Variants in PANX3 observed in about 807,000 individuals in gnomAD.
PANX3 encodes pannexin-3.
A neutral mutation model predicts 31.5 loss-of-function variants in PANX3; 18 were observed. That is an observed-to-expected ratio of 0.57 (90% CI 0.39 to 0.85). PANX3 has a LOEUF of 0.85. PANX3 is among the 40% of genes least tolerant of loss of function. The pLI is 0.00. For synonymous variants in PANX3, 194 were observed against 201.6 expected (o/e 0.96, Z 0.32); for missense variants, 426 against 485.4 (o/e 0.88, Z 1.15).
intron 2 of PANX3, among the ~76,000 whole-genome samples, chr11:124,615,244 A>T (rs1469919282): frequency 9.2e-5 from 14 of 151,866 alleles, no homozygotes; most frequent in Admixed American, 9.2e-4. Flanking sequence ...CACCAAGCCC[A>T]GCTAATTTTT....
chr11:124,619,225 T>G, intron 3 of PANX3, 71 bp from the exon 4 acceptor site: 1 of 1,451,670 alleles, frequency 6.9e-7, no homozygotes, highest in South Asian at 1.3e-5. Flanking sequence ...TGTTACTTTG[T>G]CACATGCCTC....
chr11:124,611,915 A>G (rs1863097099), intron 1 of PANX3, among the ~76,000 whole-genome samples, 178 bp downstream of exon 1: 1 of 151,556 alleles, frequency 6.6e-6, no homozygotes, highest in Non-Finnish European at 1.5e-5. Context: ...AGAGGCACCA[A>G]AAAATTTTGA....
chr11:124,618,100 G>A (rs780179266), intron 3 of PANX3, among the ~76,000 whole-genome samples: 7 of 152,174 alleles, frequency 4.6e-5, no homozygotes, highest in South Asian at 2.1e-4. Flanking sequence ...TGAAATCTAC[G>A]TTCTGAGATA....
Position 124,616,103 on chromosome 11 carries a change from A to G in PANX3, c.325-1171A>G, listed in dbSNP as rs1565394883. ...TTGGCCCAACCCTGCTAGGTGTGGTAAGTATGATGAGGAAACCTGAAGAAA... is the reference window on the plus strand; with the variant it reads ...TTGGCCCAACCCTGCTAGGTGTGGTGAGTATGATGAGGAAACCTGAAGAAA... On this transcript the variant is annotated intron_variant, in intron 2 of 3. Transcript: ENST00000284288. The surrounding 1 kb of genome is among the most constrained non-coding windows in gnomAD (Gnocchi z 4.8). Among the ~76,000 whole-genome samples the G allele has an allele frequency of 6.6e-6, 1 of 152,178 alleles. No homozygotes were observed. Among genetic ancestry groups the G allele is most frequent in the Non-Finnish European group, 1.5e-5 (1 of 68,032 alleles).
At chr11:124,614,371 G>A (rs1305789658) in intron 2 of PANX3, among the ~76,000 whole-genome samples, 3 of 151,994 alleles carry the variant, frequency 2.0e-5, no homozygotes, top group Non-Finnish European at 4.4e-5. Context: ...GGGTTCAAGC[G>A]ATTCTCCTGT....
rs1220756040 is a variant in PANX3 at position 124,617,364 on chromosome 11, G to A, written c.415G>A (p.Asp139Asn). Residue 139 changes from aspartate to asparagine, a missense_variant, in exon 3 of 4, where the codon GAT becomes AAT. By Grantham distance (23) the Asp-to-Asn change is conservative (BLOSUM62 1). Transcript: ENST00000284288. ...QYAAVPALSS[D>N]LLFIISELDK... The stretch of plus-strand genomic sequence containing the variant: ...TGCAGCTGTGCCAGCCCTCAGCTCC[G>A]ATCTGCTGTTCATCATCAGCGAACT... 6 of 1,613,588 alleles carry A rather than the reference G, an allele frequency of 3.7e-6. No homozygotes were observed. Among genetic ancestry groups the A allele is most frequent in the East Asian group, 2.2e-5 (1 of 44,874 alleles).
rs773021933 is a variant in PANX3 at position 124,619,839 on chromosome 11, T to C, written c.1083T>C (p.Asn361=). The C allele has an allele frequency of 5.0e-6, 8 of 1,614,124 alleles. No homozygotes were observed. The highest frequency in any genetic ancestry group is 2.7e-5 in the African/African-American group (2 of 74,998). Residue 361 remains asparagine (N), a synonymous_variant, in exon 4 of 4, where the codon AAT becomes AAC. Coordinates refer to ENST00000284288, the MANE Select transcript of PANX3 (RefSeq NM_052959.3). ...VLKDTTTQKH[N]IDTVVDFMTL... ...AGGATACAACCACCCAGAAGCACAA[T>C]ATTGACACAGTAGTTGATTTTATGA...
chr11:124,617,948 C>T (rs1002100883), intron 3 of PANX3, among the ~76,000 whole-genome samples: 4 of 152,224 alleles, frequency 2.6e-5, no homozygotes, highest in African/African-American at 4.8e-5. Context: ...CCTCCACCTG[C>T]ATACAGGCAT....
At chr11:124,613,218 C>T (rs1863115861) in intron 2 of PANX3, 96 bp downstream of exon 2, 1 of 1,397,138 alleles carries the variant, frequency 7.2e-7, no homozygotes, top group South Asian at 1.5e-5. Context: ...CCCACCACCC[C>T]TAACCCATTT....
rs1221593314 is a variant in PANX3 at position 124,611,679 on chromosome 11, A to G, written c.123A>G (p.Val41=). 1 of 1,614,140 alleles carries G rather than the reference A, an allele frequency of 6.2e-7. No individual in the cohort carries two copies. The highest frequency in any genetic ancestry group is 8.5e-7 in the Non-Finnish European group (1 of 1,180,010). The part of the protein sequence containing the change: ...ELPLDRIVKF[V]AVGSPLLLMS... Reference sequence around the variant, plus strand: ...CCCTGGACCGGATAGTCAAGTTCGTAGCTGTGGGCTCCCCCTTGTTGCTGA... The same window carrying G: ...CCCTGGACCGGATAGTCAAGTTCGTGGCTGTGGGCTCCCCCTTGTTGCTGA... Residue 41 remains valine (V), a synonymous_variant, in exon 1 of 4, where the codon GTA becomes GTG. Transcript: ENST00000284288.
chr11:124,617,402 T>C lies in PANX3; in HGVS notation c.453T>C (p.Tyr151=). 6.2e-7 allele frequency: 1 copy of C among 1,614,158 alleles called. No homozygotes were observed. The change falls in exon 3 of 4, where the codon TAT becomes TAC. Residue 151 remains tyrosine, a synonymous_variant. Transcript: ENST00000284288. ...TCATCAGCGAACTGGACAAATCTTA[T>C]AATCGCTCCATCCGCCTCGTGCAGC... ...LFIISELDKS[Y]NRSIRLVQHM... is the part of the protein sequence containing the mutation.
Position 124,619,300 on chromosome 11 carries a change from C to T in PANX3, c.544C>T (p.Arg182Trp), listed in dbSNP as rs772357846. 11 of 1,610,390 alleles carry T rather than the reference C, an allele frequency of 6.8e-6. No individual in the cohort carries two copies. The highest frequency in any genetic ancestry group is 6.7e-5 in the African/African-American group (5 of 74,854). Residue 182 changes from arginine (R) to tryptophan (W), a missense_variant, in exon 4 of 4, where the codon CGG (arginine) becomes TGG (tryptophan). By Grantham distance (101) the Arg-to-Trp change is moderately radical (BLOSUM62 -3). Coordinates refer to ENST00000284288, the MANE Select transcript of PANX3 (RefSeq NM_052959.3). ...YVFWNELEKARKERYFEFPLL... is the reference protein window; with the variant it reads ...YVFWNELEKAWKERYFEFPLL... ...CTCCTTCCTTCCACTGCCCAGGGCTCGGAAAGAACGATACTTTGAATTCCC... is the reference window on the plus strand; with the variant it reads ...CTCCTTCCTTCCACTGCCCAGGGCTTGGAAAGAACGATACTTTGAATTCCC...
At position 124,611,476 on chromosome 11, in the gene PANX3, G is replaced by A; in HGVS notation, c.-81G>A. ...GGCAGGCACTGTCTGCCCAAAGTCA[G>A]CTGCCTGAAGCTGCCGTCTCCTCAT... is the stretch of plus-strand genomic sequence containing the variant. On this transcript the variant is annotated 5_prime_UTR_variant, in exon 1 of 4. Coordinates refer to ENST00000284288, the MANE Select transcript of PANX3 (RefSeq NM_052959.3). 1 of 1,382,388 alleles carries A rather than the reference G, an allele frequency of 7.2e-7. No homozygotes were observed. The highest frequency in any genetic ancestry group is 2.4e-5 in the East Asian group (1 of 41,238). The allele number at this position is 1,382,388 out of a possible 1,614,324, so 85.6% of individuals were successfully genotyped here. A position where few individuals can be genotyped will look rare whatever the true frequency, so the allele number is the denominator to read the frequency against.
In PANX3 at chr11:124,611,680, G is replaced by C. The variant is rs753770067; in HGVS notation, c.124G>C (p.Ala42Pro). 5.6e-6 allele frequency: 9 copies of C among 1,614,054 alleles called. No homozygotes were observed. The East Asian group carries it at 1.6e-4, about 28-fold the overall frequency. The change falls in exon 1 of 4, where the codon GCT becomes CCT. Residue 42 changes from alanine to proline, a missense_variant. Coordinates refer to ENST00000284288, the MANE Select transcript of PANX3 (RefSeq NM_052959.3). ...CCTGGACCGGATAGTCAAGTTCGTAGCTGTGGGCTCCCCCTTGTTGCTGAT... is the reference window on the plus strand; with the variant it reads ...CCTGGACCGGATAGTCAAGTTCGTACCTGTGGGCTCCCCCTTGTTGCTGAT... ...LPLDRIVKFV[A>P]VGSPLLLMSL... is the part of the protein sequence containing the mutation.
chr11:124,617,533 T>A lies in PANX3; in HGVS notation c.539+45T>A. On this transcript the variant is annotated intron_variant, in intron 3 of 3. Transcript: ENST00000284288. ...TTTTTCTGAGAAATTCAGTCAAGCA[T>A]TAAAATGATAACTTTGCATAGTCAT... The A allele has an allele frequency of 1.9e-6, 3 of 1,584,726 alleles. No homozygotes were observed. In the African/African-American group the frequency reaches 4.0e-5, roughly 21 times the overall value.
rs1189123718 is a variant in PANX3, at chr11:124,619,583, G to A, written c.827G>A (p.Ser276Asn). 6.2e-7 allele frequency: 1 copy of A among 1,614,116 alleles called. No homozygotes were observed. The highest frequency in any genetic ancestry group is 8.5e-7 in the Non-Finnish European group (1 of 1,180,030). Reference protein sequence around the residue: ...LSIFQIVSLSSVAIYTILVPV... With the variant: ...LSIFQIVSLSNVAIYTILVPV... ...ATTTTCCAGATTGTTAGCCTCTCCA[G>A]TGTAGCAATATACACCATATTGGTT... The change falls in exon 4 of 4, where the codon AGT becomes AAT. Residue 276 changes from serine to asparagine, a missense_variant. Physicochemically the swap from Ser to Asn is conservative, Grantham distance 46. Transcript: ENST00000284288.
chr11:124,611,459 C>A lies in PANX3; in HGVS notation c.-98C>A. The A allele has an allele frequency of 8.5e-7, 1 of 1,170,732 alleles. No homozygotes were observed. Among genetic ancestry groups the A allele is most frequent in the Non-Finnish European group, 1.2e-6 (1 of 838,484 alleles). The allele number at this position is 1,170,732 out of a possible 1,614,324, so 72.5% of individuals were successfully genotyped here. A position where few individuals can be genotyped will look rare whatever the true frequency, so the allele number is the denominator to read the frequency against. On this transcript the variant is annotated 5_prime_UTR_variant, in exon 1 of 4. The change creates a new upstream start codon in the 5' untranslated region. Coordinates refer to ENST00000284288, the MANE Select transcript of PANX3 (RefSeq NM_052959.3). ...ATCCATAAGGCTGGGGTGGCAGGCA[C>A]TGTCTGCCCAAAGTCAGCTGCCTGA...
At chr11:124,617,015 T>G (rs1226480473) in intron 2 of PANX3, among the ~76,000 whole-genome samples, 1 of 140,916 alleles carries the variant, frequency 7.1e-6, no homozygotes, top group African/African-American at 2.9e-5. Flanking sequence ...CTCTCTCTTC[T>G]CCCTGGGACC....
chr11:124,619,695 C>T lies in PANX3; in HGVS notation c.939C>T (p.Leu313=). The change falls in exon 4 of 4, where the codon CTC becomes CTT. Residue 313 remains leucine (L), a synonymous_variant. Coordinates refer to ENST00000284288, the MANE Select transcript of PANX3 (RefSeq NM_052959.3). ...SVYEMLPAFD[L]LSRKMLGCPI... is the part of the protein sequence containing the mutation. ...ATGAGATGCTCCCAGCTTTTGATCT[C>T]CTCAGCAGAAAGATGCTAGGATGTC... 6.2e-7 allele frequency: 1 copy of T among 1,614,200 alleles called. No individual in the cohort carries two copies. The highest frequency in any genetic ancestry group is 8.5e-7 in the Non-Finnish European group (1 of 1,180,038).
Sources: allele counts gnomAD v4.1 joint callset (sites outside exome capture counted in the v4.1 genomes callset), GRCh38; gene constraint gnomAD v4.1.1; non-coding constraint Gnocchi (gnomAD v3.1); transcripts MANE v1.5; gene names NCBI Gene and HGNC (gene_info 2026-07-23, HGNC 2026-07-21).